Variants in RGS5 observed in about 807,000 individuals in gnomAD.
RGS5 encodes regulator of G-protein signalling 5.
In RGS5, 20 loss-of-function variants were observed where a neutral mutation model predicts 18.9. That is an observed-to-expected ratio of 1.06 (90% CI 0.74 to 1.54). RGS5 has a LOEUF of 1.54. RGS5 is among the 40% of genes most tolerant of loss of function. The probability of loss-of-function intolerance (pLI) is 0.00; values close to 1 mark genes in which losing one functional copy is unlikely to be tolerated. For missense variants in RGS5, 201 were observed against 211.8 expected (o/e 0.95, Z 0.32); for synonymous variants, 57 against 76.2 (o/e 0.75, Z 1.31).
intron 1 of RGS5, among the ~76,000 whole-genome samples, chr1:163,198,671 C>G (rs1332058810): frequency 6.6e-6 from 1 of 152,032 alleles, no homozygotes; most frequent in African/African-American, 2.4e-5. Flanking sequence ...TCACTCTGCA[C>G]CCAGGCTGGA....
At chr1:163,233,382 C>T (rs1354049702) in intron 2 of RGS5, among the ~76,000 whole-genome samples, 1 of 152,206 alleles carries the variant, frequency 6.6e-6, no homozygotes, top group Admixed American at 6.5e-5. Context: ...GCATCCTGTT[C>T]CTCATTAAAC....
chr1:163,260,408 CCA>C (rs1298926299), intron 2 of RGS5: 1 of 152,066 alleles, frequency 6.6e-6, no homozygotes, highest in African/African-American at 2.4e-5. Flanking sequence ...CAATTCAGTT[CCA>C]CAGTTTTATT....
chr1:163,299,781 G>GA (rs1347021393), intron 2 of RGS5, among the ~76,000 whole-genome samples: 3 of 152,008 alleles, frequency 2.0e-5, no homozygotes, highest in Non-Finnish European at 2.9e-5. Context: ...AGTTTCTGAG[G>GA]AAAAAAATCA....
At chr1:163,243,750 C>A (rs1286424179) in intron 2 of RGS5, among the ~76,000 whole-genome samples, 2 of 148,780 alleles carry the variant, frequency 1.3e-5, no homozygotes, top group African/African-American at 5.0e-5. Flanking sequence ...GCATATGTAT[C>A]CCAGAAATTA....
intron 2 of RGS5, among the ~76,000 whole-genome samples, chr1:163,163,434 T>A (rs1657896737): frequency 1.3e-5 from 2 of 151,998 alleles, no homozygotes; most frequent in African/African-American, 4.8e-5. Flanking sequence ...ACACGTGAGC[T>A]ACCCATCCCT....
intron 3 of RGS5, among the ~76,000 whole-genome samples, chr1:163,158,406 G>C (rs192908480): frequency 4.4e-4 from 67 of 152,140 alleles, no homozygotes; most frequent in East Asian, 2.9e-3. Context: ...AATTAGAGAG[G>C]GGTATCGGGC....
At chr1:163,244,701 C>T (rs1036094968) in intron 2 of RGS5, 20 of 152,132 alleles carry the variant, frequency 1.3e-4, no homozygotes, top group African/African-American at 3.9e-4. Flanking sequence ...CAAATATAGT[C>T]ACTGAAAACA....
At chr1:163,254,918 T>C (rs1163591260) in intron 2 of RGS5, among the ~76,000 whole-genome samples, 1 of 151,882 alleles carries the variant, frequency 6.6e-6, no homozygotes, top group Non-Finnish European at 1.5e-5. Flanking sequence ...CTTTCCCCAT[T>C]GCTTGTTTTT....
intron 1 of RGS5, among the ~76,000 whole-genome samples, chr1:163,190,027 T>C (rs1659275703): frequency 6.6e-6 from 1 of 152,206 alleles, no homozygotes; most frequent in African/African-American, 2.4e-5. Flanking sequence ...GGTTATATTA[T>C]GGGGATCAAC....
intron 2 of RGS5, chr1:163,300,587 A>G (rs10917718): frequency 0.63 from 95,424 of 151,512 alleles, 30,480 homozygotes; most frequent in Non-Finnish European, 0.68. Flanking sequence ...TAAGACTGAA[A>G]GTACTCCAAC....
At chr1:163,148,442 C>T (rs568146115) in intron 4 of RGS5, among the ~76,000 whole-genome samples, 2 of 152,250 alleles carry the variant, frequency 1.3e-5, no homozygotes, top group South Asian at 2.1e-4. Context: ...TTATTGAGTG[C>T]TCGGTCGGTG....
intron 3 of RGS5, among the ~76,000 whole-genome samples, chr1:163,158,503 A>C (rs1225636068): frequency 6.6e-6 from 1 of 152,178 alleles, no homozygotes; most frequent in Non-Finnish European, 1.5e-5. Flanking sequence ...CAGAGTACAA[A>C]AGAGAGAAAT....
intron 2 of RGS5, among the ~76,000 whole-genome samples, chr1:163,291,281 AG>A (rs1424623902): frequency 3.9e-5 from 6 of 152,156 alleles, no homozygotes; most frequent in African/African-American, 7.2e-5. Context: ...GGCGGCGGGC[AG>A]GGGGGTATCT....
intron 2 of RGS5, among the ~76,000 whole-genome samples, chr1:163,286,580 G>T (rs1034165673): frequency 2.0e-5 from 3 of 150,946 alleles, no homozygotes; most frequent in Non-Finnish European, 4.4e-5. Context: ...ATTGTTTCTT[G>T]TTTTATTTTA....
chr1:163,226,596 A>G lies in RGS5; in HGVS notation c.-280-58228T>C, dbSNP rs61810859. Among the ~76,000 whole-genome samples, 449 of 152,310 alleles carry G rather than the reference A, an allele frequency of 2.9e-3. 4 individuals are homozygous for G. Among genetic ancestry groups the G allele is most frequent in the Middle Eastern group, 0.01 (3 of 294 alleles). On this transcript the variant is annotated intron_variant, in intron 2 of 5. Transcript: ENST00000618415. Reference sequence around the variant, plus strand: ...GGTTTTTGAGATGCACCGCCACCCTAATAAGTATGCTTAATATATTAGACA... The same window carrying G: ...GGTTTTTGAGATGCACCGCCACCCTGATAAGTATGCTTAATATATTAGACA...
intron 2 of RGS5, among the ~76,000 whole-genome samples, chr1:163,227,383 G>A (rs1647362555): frequency 6.6e-6 from 1 of 152,200 alleles, no homozygotes; most frequent in South Asian, 2.1e-4. Context: ...GAGAGAGAAT[G>A]AGTGCAAGGC....
chr1:163,187,661 C>T (rs1243382119), intron 1 of RGS5, among the ~76,000 whole-genome samples: 1 of 152,146 alleles, frequency 6.6e-6, no homozygotes. Flanking sequence ...GATGGTGTAC[C>T]AGGTAGGGCA....
At chr1:163,165,982 T>C (rs992917339) in intron 2 of RGS5, among the ~76,000 whole-genome samples, 4 of 151,886 alleles carry the variant, frequency 2.6e-5, no homozygotes, top group Admixed American at 2.0e-4. Flanking sequence ...GATGGGGCCT[T>C]AGAAACAACA....
intron 2 of RGS5, among the ~76,000 whole-genome samples, chr1:163,270,493 C>G (rs1425245265): frequency 1.3e-5 from 2 of 151,806 alleles, no homozygotes; most frequent in African/African-American, 4.8e-5. Flanking sequence ...GCACTCCAGC[C>G]TGGGCAAGAG....
Sources: allele counts gnomAD v4.1 joint callset (sites outside exome capture counted in the v4.1 genomes callset), GRCh38; gene constraint gnomAD v4.1.1; transcripts MANE v1.5; gene names NCBI Gene and HGNC (gene_info 2026-07-23, HGNC 2026-07-21).